Variants in BDH2 observed in about 807,000 individuals in gnomAD.
BDH2 encodes the protein dehydrogenase/reductase SDR family member 6.
A neutral mutation model predicts 33.2 loss-of-function variants in BDH2; 24 were observed. The observed-to-expected ratio is 0.72, with a 90% CI of 0.52 to 1.02. The LOEUF is 1.02. Among genes scored for constraint, BDH2 ranks in the 50% least tolerant of loss-of-function variants. The pLI is 0.00. For missense variants in BDH2, 249 were observed against 301.6 expected (o/e 0.83, Z 1.29); for synonymous variants, 81 against 101.6 (o/e 0.80, Z 1.22).
In BDH2 at chr4:103,087,543, C is replaced by G. The variant is rs550857112; in HGVS notation, c.358-1003G>C. Among the ~76,000 whole-genome samples the G allele has an allele frequency of 6.6e-5, 10 of 152,270 alleles. No individual in the cohort carries two copies. The East Asian group carries it at 1.9e-3, about 29-fold the overall frequency. On this transcript the variant is annotated intron_variant, in intron 5 of 9. Coordinates refer to ENST00000296424, the MANE Select transcript of BDH2 (RefSeq NM_020139.4). The stretch of plus-strand genomic sequence containing the variant: ...GATGGTGGGCCTCACCAATTTAGGG[C>G]AGTGTTTCCTAAGAACACCTTCTTC...
intron 1 of BDH2, chr4:103,098,831 A>G (rs971919417): frequency 2.6e-5 from 4 of 152,108 alleles, no homozygotes; most frequent in African/African-American, 9.7e-5. Context: ...ATTTAATTCT[A>G]TCTTGGAGTC....
chr4:103,096,725 G>C (rs1748428462), intron 1 of BDH2, among the ~76,000 whole-genome samples: 1 of 151,920 alleles, frequency 6.6e-6, no homozygotes, highest in African/African-American at 2.4e-5. Flanking sequence ...ATTTTTTGTA[G>C]AGACGGGCTT....
rs1206155976 is a variant in BDH2, at chr4:103,097,325, T to C, written c.-20-1051A>G. 2.0e-5 allele frequency among the ~76,000 whole-genome samples: 3 copies of C among 152,210 alleles called. No individual in the cohort carries two copies. The East Asian group carries it at 5.8e-4, about 29-fold the overall frequency. Reference sequence around the variant, plus strand: ...ACATTAACAGGCATAATCAGTAATTTCTAAATGATTGAGAAACACTGACAC... The same window carrying C: ...ACATTAACAGGCATAATCAGTAATTCCTAAATGATTGAGAAACACTGACAC... On this transcript the variant is annotated intron_variant, in intron 1 of 9. Coordinates refer to ENST00000296424, the MANE Select transcript of BDH2 (RefSeq NM_020139.4).
At position 103,082,168 on chromosome 4, in the gene BDH2, C is replaced by G. The variant is rs755509840; in HGVS notation, c.597G>C (p.Arg199=). The G allele has an allele frequency of 6.2e-7, 1 of 1,613,778 alleles. No individual in the cohort carries two copies. Among genetic ancestry groups the G allele is most frequent in the Non-Finnish European group, 8.5e-7 (1 of 1,179,698 alleles). ...TCTTTTGTCTCTTCAGGAAATCATT[C>G]CGTGCCTGTGACCAGAGACCATACC... The part of the protein sequence containing the change: ...IQARGNPEEA[R]NDFLKRQKTG... The change falls in exon 9 of 10, where the codon CGG becomes CGC. Residue 199 remains arginine, a synonymous_variant. Coordinates refer to ENST00000296424, the MANE Select transcript of BDH2 (RefSeq NM_020139.4).
chr4:103,091,635 C>T, intron 4 of BDH2: 1 of 444,462 alleles, frequency 2.2e-6, no homozygotes, highest in Non-Finnish European at 4.5e-6. Flanking sequence ...GCCTCAGCTA[C>T]TTTGAAGGCT....
At chr4:103,096,680 A>C (rs1305018813) in intron 1 of BDH2, among the ~76,000 whole-genome samples, 1 of 151,920 alleles carries the variant, frequency 6.6e-6, no homozygotes, top group South Asian at 2.1e-4. Context: ...AGCTGGGATT[A>C]CAGGTGCCTG....
At position 103,078,239 on chromosome 4, in the gene BDH2, C is replaced by T. The variant is rs1355439108; in HGVS notation, c.*1463G>A. Among the ~76,000 whole-genome samples, 1 of 152,156 alleles carries T rather than the reference C, an allele frequency of 6.6e-6. No homozygotes were observed. The highest frequency in any genetic ancestry group is 1.5e-5 in the Non-Finnish European group (1 of 68,002). On this transcript the variant is annotated 3_prime_UTR_variant, in exon 10 of 10. Transcript: ENST00000296424. The stretch of plus-strand genomic sequence containing the variant: ...TGCCCTGACAATGTTACAGAATTAA[C>T]ATCCATAAATTTACTTTTCTTGAAA...
At chr4:103,082,299 G>T in intron 8 of BDH2, 126 bp from the exon 9 acceptor site, 2 of 741,276 alleles carry the variant, frequency 2.7e-6, no homozygotes, top group Non-Finnish European at 4.5e-6. Flanking sequence ...AATCAACTAG[G>T]GTTATGGTGA....
intron 3 of BDH2, among the ~76,000 whole-genome samples, chr4:103,095,002 G>T (rs186155815): frequency 1.3e-5 from 2 of 152,114 alleles, no homozygotes; most frequent in African/African-American, 4.8e-5. Flanking sequence ...TTAAGTATTC[G>T]TCCTCAAATT....
chr4:103,098,818 C>T (rs1748524275), intron 1 of BDH2: 1 of 152,134 alleles, frequency 6.6e-6, no homozygotes, highest in East Asian at 1.9e-4. Flanking sequence ...AAAATCCATG[C>T]ATATTTAATT....
At chr4:103,096,124 A>G (rs985389033) in intron 2 of BDH2, 59 bp downstream of exon 2, 15 of 1,290,818 alleles carry the variant, frequency 1.2e-5, no homozygotes, top group Non-Finnish European at 1.6e-5. Flanking sequence ...ATCAGTCCAC[A>G]TAATTCAATA....
chr4:103,086,435 T>C (rs1747784154), intron 6 of BDH2, 45 bp downstream of exon 6: 1 of 1,593,888 alleles, frequency 6.3e-7, no homozygotes, highest in Non-Finnish European at 8.5e-7. Flanking sequence ...CTCTTAATGA[T>C]GTGCGTGTAT....
chr4:103,080,002 G>A (rs1027663081), intron 9 of BDH2, among the ~76,000 whole-genome samples: 1 of 152,160 alleles, frequency 6.6e-6, no homozygotes, highest in East Asian at 1.9e-4. Flanking sequence ...TAGGTATTTG[G>A]TCTCAGAATC....
rs116982302 is a variant in BDH2, at chr4:103,094,018, G to T, written c.151+1185C>A. 9.9e-5 allele frequency among the ~76,000 whole-genome samples: 15 copies of T among 152,184 alleles called. No individual in the cohort carries two copies. The East Asian group carries it at 2.3e-3, about 23-fold the overall frequency. Reference sequence around the variant, plus strand: ...TAACCTGTTCTATTTTGCTGTAAGGGTTACCTTTCATATAGGTTCTCTGTT... The same window carrying T: ...TAACCTGTTCTATTTTGCTGTAAGGTTTACCTTTCATATAGGTTCTCTGTT... On this transcript the variant is annotated intron_variant, in intron 3 of 9. Transcript: ENST00000296424.
At chr4:103,090,625 A>T (rs533166414) in intron 5 of BDH2, among the ~76,000 whole-genome samples, 13 of 152,190 alleles carry the variant, frequency 8.5e-5, no homozygotes, top group Non-Finnish European at 8.8e-5. Flanking sequence ...CATCTTCTGA[A>T]CAATGGATGA....
At chr4:103,084,276 C>G (rs1747663787) in intron 7 of BDH2, among the ~76,000 whole-genome samples, 1 of 152,184 alleles carries the variant, frequency 6.6e-6, no homozygotes, top group South Asian at 2.1e-4. Flanking sequence ...AACTGTAGAG[C>G]AAGCCCATGC....
At position 103,091,210 on chromosome 4, in the gene BDH2, GC is replaced by G; in HGVS notation, c.323del (p.Ser108ThrfsTer4). ...GGAATGCCTTGATCATCAGGTACAT[GC>G]TGCGCACATTGAGATTCATCGAGAA... Reference protein sequence around the residue: ...WDFSMNLNVRSMYLMIKAFLP... With the variant: ...WDFSMNLNVRXMYLMIKAFLP... On this transcript the variant is annotated frameshift_variant, in exon 5 of 10. Coordinates refer to ENST00000296424, the MANE Select transcript of BDH2 (RefSeq NM_020139.4). LOFTEE classifies it high-confidence loss of function. The G allele has an allele frequency of 6.2e-7, 1 of 1,612,896 alleles. No homozygotes were observed. The highest frequency in any genetic ancestry group is 2.2e-5 in the East Asian group (1 of 44,864).
At chr4:103,080,181 G>GT (rs1347194167) in intron 9 of BDH2, among the ~76,000 whole-genome samples, 1 of 152,172 alleles carries the variant, frequency 6.6e-6, no homozygotes, top group Non-Finnish European at 1.5e-5. Context: ...TTAATGACCA[G>GT]TTTTTTAAAA....
At chr4:103,095,523 AAAC>A (rs1748359931) in intron 2 of BDH2, among the ~76,000 whole-genome samples, 1 of 152,174 alleles carries the variant, frequency 6.6e-6, no homozygotes, top group African/African-American at 2.4e-5. Flanking sequence ...AAGTAATATC[AAAC>A]AAAATAACGT....
Sources: gnomAD v4.1 joint callset for allele counts (sites outside exome capture counted in the v4.1 genomes callset) on GRCh38, gnomAD v4.1.1 for gene constraint, MANE v1.5 for transcripts, NCBI Gene and HGNC (gene_info 2026-07-23, HGNC 2026-07-21) for gene names.